The following TTC28 variants were observed in gnomAD, a reference collection of about 807,000 sequenced individuals.
The protein encoded by TTC28 is tetratricopeptide repeat domain 28.
Under a neutral mutation model 198.0 loss-of-function variants are expected in TTC28, and 61 were observed. The observed-to-expected ratio is 0.31, with a 90% CI of 0.25 to 0.38. The LOEUF is 0.38. Ranked by LOEUF, TTC28 falls within the 10% of genes least tolerant of loss-of-function variation. The pLI, the probability that TTC28 is intolerant of heterozygous loss-of-function variation, is 1.00. For missense variants in TTC28, 2,678 were observed against 3,164.0 expected (o/e 0.85, Z 3.69); for synonymous variants, 1,171 against 1,297.8 (o/e 0.90, Z 2.10).
chr22:28,559,539 A>G (rs2049838002), intron 2 of TTC28, among the ~76,000 whole-genome samples: 1 of 152,124 alleles, frequency 6.6e-6, no homozygotes, highest in Admixed American at 6.5e-5. Flanking sequence ...GCCTAAGACA[A>G]TATTTATCAT....
intron 5 of TTC28, among the ~76,000 whole-genome samples, chr22:28,170,857 C>G (rs923375127): frequency 6.6e-6 from 1 of 152,082 alleles, no homozygotes; most frequent in Admixed American, 6.5e-5. Flanking sequence ...CCTCACCACC[C>G]CCTCTCAGGC....
At position 28,275,833 on chromosome 22, in the gene TTC28, T is replaced by C. The variant is rs889517984; in HGVS notation, c.933+20365A>G. ...TTCTGATGCTGAAATGGTGAGAAGA[T>C]TGTCAATGGGCATGTGGGGTGGGAG... On this transcript the variant is annotated intron_variant, in intron 5 of 22. Coordinates refer to ENST00000397906, the MANE Select transcript of TTC28 (RefSeq NM_001145418.2). Among the ~76,000 whole-genome samples, 41 of 152,026 alleles carry C rather than the reference T, an allele frequency of 2.7e-4. 1 individual carries two copies. Among genetic ancestry groups the C allele is most frequent in the Non-Finnish European group, 4.4e-5 (3 of 68,004 alleles).
intron 5 of TTC28, among the ~76,000 whole-genome samples, chr22:28,190,508 C>G (rs1366434868): frequency 4.6e-5 from 7 of 152,204 alleles, no homozygotes; most frequent in Non-Finnish European, 8.8e-5. Context: ...ACTTCTGAAT[C>G]TACCTCTGAG....
intron 2 of TTC28, among the ~76,000 whole-genome samples, chr22:28,423,323 G>A (rs1338595983): frequency 6.6e-6 from 1 of 152,146 alleles, no homozygotes; most frequent in East Asian, 1.9e-4. Flanking sequence ...CCAGGAGGCA[G>A]AGGTTGCAGT....
chr22:28,489,303 T>TA (rs11336895), intron 2 of TTC28, among the ~76,000 whole-genome samples: 64 of 148,202 alleles, frequency 4.3e-4, no homozygotes, highest in Non-Finnish European at 6.7e-4. Context: ...AATTAAAAAT[T>TA]AAAAAAAAAA....
At chr22:28,175,655 C>G (rs1923093534) in intron 5 of TTC28, among the ~76,000 whole-genome samples, 1 of 152,208 alleles carries the variant, frequency 6.6e-6, no homozygotes, top group East Asian at 1.9e-4. Flanking sequence ...ATCGCTTAAG[C>G]CAGGGAGGCA....
At chr22:28,441,916 T>C (rs16986431) in intron 2 of TTC28, among the ~76,000 whole-genome samples, 7,635 of 148,264 alleles carry the variant, frequency 0.051, 320 homozygotes, top group East Asian at 0.24. Context: ...AGGCCTGTTA[T>C]GCAGTGAACA....
chr22:28,026,271 C>T (rs938419105), intron 13 of TTC28, among the ~76,000 whole-genome samples: 11 of 152,156 alleles, frequency 7.2e-5, no homozygotes, highest in African/African-American at 2.7e-4. Flanking sequence ...CAGAACCCCT[C>T]CACTCTGCCA....
intron 14 of TTC28, chr22:28,008,631 C>G (rs758110468): frequency 1.3e-5 from 2 of 152,188 alleles, no homozygotes; most frequent in Non-Finnish European, 2.9e-5. Flanking sequence ...TCCAAGGATC[C>G]TGAAAGATCC....
chr22:28,203,254 T>C (rs1926123985), intron 5 of TTC28, among the ~76,000 whole-genome samples: 1 of 152,088 alleles, frequency 6.6e-6, no homozygotes. Context: ...GTTTCTTGAT[T>C]TGTAAAATAG....
At chr22:28,081,745 G>C (rs1381118498) in intron 12 of TTC28, among the ~76,000 whole-genome samples, 2 of 152,128 alleles carry the variant, frequency 1.3e-5, no homozygotes, top group African/African-American at 4.8e-5. Context: ...ACCCGCCTCA[G>C]CCTCCCAAAG....
intron 13 of TTC28, among the ~76,000 whole-genome samples, chr22:28,015,274 C>T (rs896391289): frequency 6.6e-6 from 1 of 152,122 alleles, no homozygotes; most frequent in Non-Finnish European, 1.5e-5. Context: ...AGGCTGCCCA[C>T]GTGCATCCTC....
intron 2 of TTC28, among the ~76,000 whole-genome samples, chr22:28,445,124 A>T (rs1394651955): frequency 6.6e-6 from 1 of 152,180 alleles, no homozygotes; most frequent in East Asian, 1.9e-4. Flanking sequence ...CTTATGTGTA[A>T]TCTATCACCA....
chr22:28,254,515 A>G (rs1453009988), intron 5 of TTC28, among the ~76,000 whole-genome samples: 1 of 151,600 alleles, frequency 6.6e-6, no homozygotes, highest in Admixed American at 6.6e-5. Flanking sequence ...GTCTGGTTAG[A>G]TAAGAGGCTG....
intron 2 of TTC28, among the ~76,000 whole-genome samples, chr22:28,350,087 G>A (rs778694109): frequency 6.6e-6 from 1 of 152,188 alleles, no homozygotes; most frequent in Non-Finnish European, 1.5e-5. Context: ...AAGCACTGGA[G>A]AGAAACAGGT....
chr22:28,269,526 C>T (rs1931911112), intron 5 of TTC28, among the ~76,000 whole-genome samples: 1 of 152,158 alleles, frequency 6.6e-6, no homozygotes, highest in Admixed American at 6.5e-5. Context: ...CCAGTACTGA[C>T]TTCTATAACA....
At chr22:27,990,883 G>A in intron 19 of TTC28, 71 bp from the exon 20 acceptor site, 2 of 1,456,730 alleles carry the variant, frequency 1.4e-6, no homozygotes, top group South Asian at 1.2e-5. Context: ...AGCACAGGCT[G>A]TTATGCAACA....
intron 2 of TTC28, among the ~76,000 whole-genome samples, chr22:28,625,717 A>C (rs2051068001): frequency 6.6e-6 from 1 of 152,200 alleles, no homozygotes; most frequent in Admixed American, 6.5e-5. Context: ...AAATGCAAAA[A>C]TATAGAATAG....
intron 2 of TTC28, among the ~76,000 whole-genome samples, chr22:28,318,833 T>TC (rs2045397543): frequency 7.0e-6 from 1 of 142,758 alleles, no homozygotes; most frequent in African/African-American, 2.6e-5. Context: ...TTTTTTTTTT[T>TC]TTTTGGACAG....
Sources: allele counts gnomAD v4.1 joint callset (sites outside exome capture counted in the v4.1 genomes callset), GRCh38; gene constraint gnomAD v4.1.1; transcripts MANE v1.5; gene names NCBI Gene and HGNC (gene_info 2026-07-23, HGNC 2026-07-21).